Variants in CTNNA3 observed in about 807,000 individuals in gnomAD.
CTNNA3 encodes the protein catenin alpha 3.
A neutral mutation model predicts 95.7 loss-of-function variants in CTNNA3; 76 were observed. The observed-to-expected ratio is 0.79, with a 90% CI of 0.66 to 0.96. The LOEUF (loss-of-function observed/expected upper bound fraction) is 0.96. Ranked by LOEUF, CTNNA3 falls within the 40% of genes least tolerant of loss-of-function variation. CTNNA3 has a pLI of 0.00. For synonymous variants in CTNNA3, 431 were observed against 374.4 expected (o/e 1.15, Z -1.74); for missense variants, 1,191 against 1,089.8 (o/e 1.09, Z -1.31).
At chr10:66,875,324 C>T (rs1475616990) in intron 7 of CTNNA3, among the ~76,000 whole-genome samples, 1 of 151,550 alleles carries the variant, frequency 6.6e-6, no homozygotes, top group Non-Finnish European at 1.5e-5. Context: ...GGGTCCTATT[C>T]ATGGATTCTC....
At position 67,222,287 on chromosome 10, in the gene CTNNA3, C is replaced by T. The variant is rs78952665; in HGVS notation, c.580-2417G>A. 7.9e-5 allele frequency among the ~76,000 whole-genome samples: 12 copies of T among 152,282 alleles called. No homozygotes were observed. The East Asian group carries it at 1.5e-3, about 20-fold the overall frequency. On this transcript the variant is annotated intron_variant, in intron 5 of 17. Transcript: ENST00000433211. ...GTCACTAATCACCCAAGAAAAGACA[C>T]TATGGTTTTCTTGGCTTGCTACGAT...
intron 14 of CTNNA3, among the ~76,000 whole-genome samples, chr10:66,089,531 G>A (rs868767795): frequency 2.7e-5 from 4 of 150,414 alleles, no homozygotes; most frequent in Admixed American, 1.3e-4. Context: ...ACTCTGGTTC[G>A]CCTTTACCTT....
rs576328707 is a variant in CTNNA3, at chr10:65,942,408, T to C, written c.2401-21791A>G. On this transcript the variant is annotated intron_variant, in intron 17 of 17. Coordinates refer to ENST00000433211, the MANE Select transcript of CTNNA3 (RefSeq NM_013266.4). ...CAGGTGTGGTGGCAGGTGCCTATAG[T>C]GTCCCAACTACTCGGGAGGCTGAGG... Among the ~76,000 whole-genome samples the C allele has an allele frequency of 2.1e-3, 319 of 152,144 alleles. 1 individual carries two copies. The highest frequency in any genetic ancestry group is 6.8e-3 in the Middle Eastern group (2 of 294).
intron 15 of CTNNA3, among the ~76,000 whole-genome samples, chr10:66,023,764 C>T (rs12573277): frequency 0.11 from 16,370 of 152,062 alleles, 1,047 homozygotes; most frequent in Non-Finnish European, 0.15. Flanking sequence ...AACTTTTAGG[C>T]CTTTTAAATA....
At chr10:66,694,359 T>C (rs1847677195) in intron 9 of CTNNA3, among the ~76,000 whole-genome samples, 1 of 152,256 alleles carries the variant, frequency 6.6e-6, no homozygotes, top group East Asian at 1.9e-4. Context: ...CTAGAAAATC[T>C]AGAAGAAATG....
In CTNNA3 at chr10:66,069,228, C is replaced by CA. The variant is rs2080377004; in HGVS notation, c.2159+79dup. On this transcript the variant is annotated intron_variant, in intron 15 of 17. Transcript: ENST00000433211. ...CACCTGATTTTTGGCACTTGACACT[C>CA]AGAGAATCTTGAGGTTTCACTAATA... 3 of 1,404,222 alleles carry CA rather than the reference C, an allele frequency of 2.1e-6. No homozygotes were observed. The African/African-American group carries it at 4.3e-5, about 20-fold the overall frequency. The allele number at this position is 1,404,222 out of a possible 1,614,324, so 87.0% of individuals were successfully genotyped here.
chr10:65,919,465 G>A lies in CTNNA3; in HGVS notation c.*865C>T, dbSNP rs1230823373. ...GTATTTTTATGTTTGTAAAAATAGGGTCATACAGAACTTACACTTCTGTTA... is the reference window on the plus strand; with the variant it reads ...GTATTTTTATGTTTGTAAAAATAGGATCATACAGAACTTACACTTCTGTTA... On this transcript the variant is annotated 3_prime_UTR_variant, in exon 18 of 18. Coordinates refer to ENST00000433211, the MANE Select transcript of CTNNA3 (RefSeq NM_013266.4). 6.6e-6 allele frequency: 1 copy of A among 152,120 alleles called. No individual in the cohort carries two copies. Among genetic ancestry groups the A allele is most frequent in the African/African-American group, 2.4e-5 (1 of 41,412 alleles). 9.4% of individuals were successfully genotyped at this position (152,120 alleles called of 1,614,324 possible).
At chr10:67,093,896 A>G (rs1857810936) in intron 7 of CTNNA3, among the ~76,000 whole-genome samples, 1 of 152,024 alleles carries the variant, frequency 6.6e-6, no homozygotes, top group Admixed American at 6.6e-5. Flanking sequence ...CTATAATTTG[A>G]AAGGGACGGA....
intron 7 of CTNNA3, among the ~76,000 whole-genome samples, chr10:67,068,469 A>C (rs1264925060): frequency 6.6e-6 from 1 of 152,220 alleles, no homozygotes; most frequent in African/African-American, 2.4e-5. Flanking sequence ...GAGTTTAGAG[A>C]CACAGATTTG....
intron 5 of CTNNA3, among the ~76,000 whole-genome samples, chr10:67,408,681 G>A (rs1386146540): frequency 2.0e-5 from 3 of 152,006 alleles, no homozygotes; most frequent in Non-Finnish European, 4.4e-5. Flanking sequence ...CACAGGCAAA[G>A]ATTTCATGAT....
At chr10:67,351,522 T>C (rs1264595428) in intron 5 of CTNNA3, among the ~76,000 whole-genome samples, 1 of 151,990 alleles carries the variant, frequency 6.6e-6, no homozygotes, top group Non-Finnish European at 1.5e-5. Flanking sequence ...CAAGCTATAA[T>C]TTTTTAAAAA....
intron 7 of CTNNA3, among the ~76,000 whole-genome samples, chr10:66,892,534 T>C (rs1845312788): frequency 6.6e-6 from 1 of 152,022 alleles, no homozygotes; most frequent in Admixed American, 6.6e-5. Flanking sequence ...GGGCTTCCTA[T>C]TTGAAATAAC....
chr10:67,179,301 T>C (rs934251812), intron 7 of CTNNA3, among the ~76,000 whole-genome samples: 5 of 151,748 alleles, frequency 3.3e-5, no homozygotes, highest in African/African-American at 1.2e-4. Context: ...TAATTGAAAA[T>C]ATATTCAAGA....
chr10:66,325,432 G>A (rs1022723235), intron 12 of CTNNA3, among the ~76,000 whole-genome samples: 3 of 152,058 alleles, frequency 2.0e-5, no homozygotes, highest in African/African-American at 4.8e-5. Flanking sequence ...TTGTAGAGCC[G>A]AGGAGTCTCC....
At chr10:65,954,220 T>G (rs2077683559) in intron 17 of CTNNA3, among the ~76,000 whole-genome samples, 1 of 152,070 alleles carries the variant, frequency 6.6e-6, no homozygotes, top group Non-Finnish European at 1.5e-5. Context: ...TTCGCCCACT[T>G]TTTGATGGGG....
intron 13 of CTNNA3, among the ~76,000 whole-genome samples, chr10:66,176,057 G>A (rs1409483685): frequency 2.0e-5 from 3 of 152,104 alleles, no homozygotes. Context: ...TTCAGGAAAC[G>A]TAATTGGTGA....
intron 5 of CTNNA3, among the ~76,000 whole-genome samples, chr10:67,243,416 G>A (rs892368001): frequency 5.3e-5 from 8 of 152,128 alleles, no homozygotes; most frequent in African/African-American, 1.9e-4. Flanking sequence ...GTGAACACAA[G>A]GGAGATGAGA....
intron 7 of CTNNA3, among the ~76,000 whole-genome samples, chr10:66,875,230 T>C (rs937218915): frequency 2.0e-5 from 3 of 152,044 alleles, no homozygotes; most frequent in African/African-American, 7.2e-5. Context: ...GAGGAGCAGG[T>C]TGAGAAGCTG....
At chr10:67,692,470 T>C (rs1437052045) in intron 1 of CTNNA3, among the ~76,000 whole-genome samples, 4 of 134,532 alleles carry the variant, frequency 3.0e-5, no homozygotes, top group Non-Finnish European at 6.3e-5. Flanking sequence ...AAACATGTGC[T>C]GTATCCACTC....
Sources: gnomAD v4.1 joint callset for allele counts (sites outside exome capture counted in the v4.1 genomes callset) on GRCh38, gnomAD v4.1.1 for gene constraint, MANE v1.5 for transcripts, NCBI Gene and HGNC (gene_info 2026-07-23, HGNC 2026-07-21) for gene names.